The following NEURL1 variants were observed in gnomAD, a reference collection of about 807,000 sequenced individuals.
The protein encoded by NEURL1 is E3 ubiquitin-protein ligase NEURL1.
A neutral mutation model predicts 41.2 loss-of-function variants in NEURL1; 26 were observed. The ratio of observed to expected loss-of-function variants is 0.63; its 90% CI spans 0.46 to 0.87. The LOEUF is 0.87. Among genes scored for constraint, NEURL1 ranks in the 40% least tolerant of loss-of-function variants. The pLI is 0.00. For synonymous variants in NEURL1, 400 were observed against 402.3 expected, an observed-to-expected ratio of 0.99 and a Z score of 0.07; for missense variants, 761 against 871.1, an observed-to-expected ratio of 0.87 and a Z score of 1.59.
chr10:103,503,007 C>T (rs2033859221), intron 1 of NEURL1, among the ~76,000 whole-genome samples: 1 of 152,240 alleles, frequency 6.6e-6, no homozygotes, highest in Non-Finnish European at 1.5e-5. Flanking sequence ...CAGCATCAGG[C>T]TCGGTGGCAC....
chr10:103,573,466 G>T (rs969775076), intron 3 of NEURL1, among the ~76,000 whole-genome samples: 1 of 152,140 alleles, frequency 6.6e-6, no homozygotes, highest in Non-Finnish European at 1.5e-5. Flanking sequence ...TGCACAGTAG[G>T]GGGTCAGTGG....
intron 1 of NEURL1, among the ~76,000 whole-genome samples, chr10:103,501,794 C>T (rs1209594137): frequency 6.6e-6 from 1 of 151,426 alleles, no homozygotes; most frequent in East Asian, 1.9e-4. Context: ...CACCAAAGTC[C>T]AGCTAATTTT....
chr10:103,535,387 T>G (rs2034670040), intron 1 of NEURL1, among the ~76,000 whole-genome samples: 1 of 152,134 alleles, frequency 6.6e-6, no homozygotes, highest in African/African-American at 2.4e-5. Context: ...GGGTACTAGG[T>G]CAGCTCAGTT....
intron 1 of NEURL1, among the ~76,000 whole-genome samples, chr10:103,516,884 T>G (rs1592189129): frequency 2.2e-5 from 3 of 137,128 alleles, no homozygotes; most frequent in African/African-American, 7.9e-5. Context: ...CCTCCCTCCC[T>G]CCCTCTCTTC....
intron 1 of NEURL1, among the ~76,000 whole-genome samples, chr10:103,519,246 CAAAA>C (rs555058427): frequency 6.7e-6 from 1 of 149,652 alleles, no homozygotes; most frequent in Non-Finnish European, 1.5e-5. Context: ...GACTCTGTCT[CAAAA>C]AAAAGAAAGA....
At chr10:103,588,874 A>G in intron 4 of NEURL1, 1 of 439,448 alleles carries the variant, frequency 2.3e-6, no homozygotes, top group Middle Eastern at 7.2e-4. Flanking sequence ...TGAACCTGGG[A>G]TGTGGAGATT....
chr10:103,509,568 G>C (rs1014895437), intron 1 of NEURL1, among the ~76,000 whole-genome samples: 12 of 152,200 alleles, frequency 7.9e-5, no homozygotes, highest in African/African-American at 2.9e-4. Flanking sequence ...CTGGGTGATA[G>C]GAATTTTTCA....
chr10:103,539,798 T>G (rs2034779020), intron 1 of NEURL1, among the ~76,000 whole-genome samples: 1 of 152,244 alleles, frequency 6.6e-6, no homozygotes, highest in South Asian at 2.1e-4. Context: ...GTCAATGAGA[T>G]GCAAATTAGA....
intron 1 of NEURL1, among the ~76,000 whole-genome samples, chr10:103,531,848 T>A (rs185073674): frequency 6.6e-6 from 1 of 152,300 alleles, no homozygotes; most frequent in East Asian, 1.9e-4. Flanking sequence ...TCTAATAATT[T>A]ATGCTTTATA....
chr10:103,510,363 C>T (rs1336013540), intron 1 of NEURL1, among the ~76,000 whole-genome samples: 1 of 152,226 alleles, frequency 6.6e-6, no homozygotes, highest in African/African-American at 2.4e-5. Context: ...TGACAGGACT[C>T]AGGCTGCCCT....
At chr10:103,579,376 A>G (rs1406339286) in intron 3 of NEURL1, among the ~76,000 whole-genome samples, 1 of 152,178 alleles carries the variant, frequency 6.6e-6, no homozygotes, top group Non-Finnish European at 1.5e-5. Context: ...GGGGTTATTT[A>G]CTGTAAAGGA....
At chr10:103,498,961 A>G (rs1406083895) in intron 1 of NEURL1, among the ~76,000 whole-genome samples, 1 of 152,122 alleles carries the variant, frequency 6.6e-6, no homozygotes, top group African/African-American at 2.4e-5. Flanking sequence ...GGATGTTTCT[A>G]CCTTTTGGTT....
Position 103,521,049 on chromosome 10 carries a change from G to T in NEURL1, c.85+26577G>T, listed in dbSNP as rs190824180. On this transcript the variant is annotated intron_variant, in intron 1 of 5. Coordinates refer to ENST00000369780, the MANE Select transcript of NEURL1 (RefSeq NM_004210.5). ...TTCAGTGTAATTACTTGCTTGGTTG[G>T]TGAGTTTTTGGGCTCTATCCTGGAC... Among the ~76,000 whole-genome samples, 214 of 152,290 alleles carry T rather than the reference G, an allele frequency of 1.4e-3. 1 individual carries two copies. Among genetic ancestry groups the T allele is most frequent in the African/African-American group, 5.0e-3 (206 of 41,534 alleles).
chr10:103,585,719 A>G (rs972821929), intron 4 of NEURL1, among the ~76,000 whole-genome samples: 1 of 151,820 alleles, frequency 6.6e-6, no homozygotes, highest in African/African-American at 2.4e-5. Context: ...CTGTAGTCCC[A>G]GCTACTCGGG....
chr10:103,515,784 C>T (rs1179393169), intron 1 of NEURL1, among the ~76,000 whole-genome samples: 2 of 152,140 alleles, frequency 1.3e-5, no homozygotes, highest in Admixed American at 6.6e-5. Flanking sequence ...TTGGAAAGAT[C>T]GTGCTGGCTA....
Position 103,508,916 on chromosome 10 carries a change from G to T in NEURL1, c.85+14444G>T, listed in dbSNP as rs1378303351. On this transcript the variant is annotated intron_variant, in intron 1 of 5. Transcript: ENST00000369780. The surrounding 1 kb of genome is among the most constrained non-coding windows in gnomAD (Gnocchi z 4.3). Reference sequence around the variant, plus strand: ...TTGTGTTAAAGAAACCAAATACAGGGTCAGGTGCGGTGGCTCATGTCTGTA... The same window carrying T: ...TTGTGTTAAAGAAACCAAATACAGGTTCAGGTGCGGTGGCTCATGTCTGTA... Among the ~76,000 whole-genome samples, 1 of 152,168 alleles carries T rather than the reference G, an allele frequency of 6.6e-6. No individual in the cohort carries two copies.
At chr10:103,588,790 T>C (rs1376443889) in intron 4 of NEURL1, 3 of 423,722 alleles carry the variant, frequency 7.1e-6, no homozygotes, top group Non-Finnish European at 1.4e-5. Flanking sequence ...TTAAAAATAT[T>C]AAAAAATTAG....
chr10:103,503,733 G>A (rs952007500), intron 1 of NEURL1, among the ~76,000 whole-genome samples: 6 of 151,204 alleles, frequency 4.0e-5, no homozygotes, highest in African/African-American at 1.5e-4. Context: ...AAATGAATCT[G>A]GAGATCACAA....
chr10:103,505,030 AT>A (rs1309921839), intron 1 of NEURL1, among the ~76,000 whole-genome samples: 6 of 151,176 alleles, frequency 4.0e-5, no homozygotes, highest in Admixed American at 2.7e-4. Context: ...CATTAAAAAA[AT>A]AATAGCTCTC....
Sources: allele counts gnomAD v4.1 joint callset (sites outside exome capture counted in the v4.1 genomes callset), GRCh38; gene constraint gnomAD v4.1.1; non-coding constraint Gnocchi (gnomAD v3.1); transcripts MANE v1.5; gene names NCBI Gene and HGNC (gene_info 2026-07-23, HGNC 2026-07-21).